The following CMSS1 variants were observed in gnomAD, a reference collection of about 807,000 sequenced individuals.
CMSS1 encodes the protein cms1 ribosomal small subunit homolog, also known as protein CMSS1.
In CMSS1, 33 loss-of-function variants were observed where a neutral mutation model predicts 43.5. The ratio of observed to expected loss-of-function variants is 0.76; its 90% CI spans 0.57 to 1.01. CMSS1 has a LOEUF of 1.01. Among genes scored for constraint, CMSS1 ranks in the 50% least tolerant of loss-of-function variants. The pLI is 0.00. For missense variants in CMSS1, 313 were observed against 326.4 expected (o/e 0.96, Z 0.32); for synonymous variants, 115 against 117.2 (o/e 0.98, Z 0.12).
At chr3:99,850,068 A>C in intron 1 of CMSS1, 1 of 1,612,514 alleles carries the variant, frequency 6.2e-7, no homozygotes, top group Non-Finnish European at 8.5e-7. Flanking sequence ...TTAACTTCTC[A>C]GTAACTGTTG....
At chr3:100,077,720 G>C (rs774394573) in intron 1 of CMSS1, among the ~76,000 whole-genome samples, 1 of 152,088 alleles carries the variant, frequency 6.6e-6, no homozygotes, top group African/African-American at 2.4e-5. Flanking sequence ...GACCAGCCTG[G>C]GCAACATGGC....
chr3:100,087,444 G>A (rs1196015995), intron 1 of CMSS1, among the ~76,000 whole-genome samples: 1 of 152,110 alleles, frequency 6.6e-6, no homozygotes, highest in African/African-American at 2.4e-5. Flanking sequence ...TCTAATAGTG[G>A]TATCTCCTTG....
intron 1 of CMSS1, among the ~76,000 whole-genome samples, chr3:100,079,376 A>G (rs2065898302): frequency 6.6e-6 from 1 of 152,222 alleles, no homozygotes; most frequent in Admixed American, 6.5e-5. Context: ...TTTAATTTCC[A>G]TATAGTTGCT....
At chr3:100,024,767 G>A (rs555906688) in intron 1 of CMSS1, among the ~76,000 whole-genome samples, 37 of 152,168 alleles carry the variant, frequency 2.4e-4, no homozygotes, top group African/African-American at 6.7e-4. Context: ...GCTCAGTTAC[G>A]GAGGCTTCTG....
intron 1 of CMSS1, among the ~76,000 whole-genome samples, chr3:99,919,899 G>A (rs1050116443): frequency 2.0e-5 from 3 of 152,120 alleles, no homozygotes; most frequent in Admixed American, 6.5e-5. Flanking sequence ...TCCTCCAAAG[G>A]GCCCTAAGGC....
At position 100,014,464 on chromosome 3, in the gene CMSS1, T is replaced by C. The variant is rs533440178; in HGVS notation, c.65-132509T>C. On this transcript the variant is annotated intron_variant, in intron 1 of 9. Transcript: ENST00000421999. ...TTATAATTTACATTCCCACCAACAG[T>C]GTATAAGAGTTCCCTTTCTCCACAT... Among the ~76,000 whole-genome samples the C allele has an allele frequency of 2.0e-5, 3 of 152,254 alleles. No homozygotes were observed. The East Asian group carries it at 5.8e-4, about 29-fold the overall frequency.
At chr3:99,935,251 G>T (rs887604128) in intron 1 of CMSS1, among the ~76,000 whole-genome samples, 2 of 116,110 alleles carry the variant, frequency 1.7e-5, no homozygotes, top group African/African-American at 3.4e-5. Context: ...AGTGGTTTGG[G>T]ATTTTCAGGG....
intron 1 of CMSS1, among the ~76,000 whole-genome samples, chr3:100,010,778 A>ATTTTTT (rs11371196): frequency 1.7e-4 from 16 of 93,668 alleles, no homozygotes; most frequent in Non-Finnish European, 2.2e-4. Flanking sequence ...CCACGCCCGG[A>ATTTTTT]TTTTTTTTTT....
intron 1 of CMSS1, among the ~76,000 whole-genome samples, chr3:99,853,798 A>G (rs529209482): frequency 3.4e-4 from 52 of 152,310 alleles, no homozygotes; most frequent in African/African-American, 1.3e-3. Context: ...TGAGCGCACC[A>G]TAGGACAGTC....
intron 1 of CMSS1, chr3:99,930,769 C>G (rs1707452519): frequency 3.1e-6 from 5 of 1,613,024 alleles, no homozygotes; most frequent in Non-Finnish European, 4.2e-6. Context: ...CCCAGCTGAC[C>G]TGCAGTTCTC....
chr3:99,875,274 C>T (rs535275386), intron 1 of CMSS1, among the ~76,000 whole-genome samples: 5 of 152,254 alleles, frequency 3.3e-5, no homozygotes, highest in African/African-American at 1.2e-4. Context: ...GCAATAGCCT[C>T]TTCAGGATTT....
At chr3:100,021,315 C>A (rs1029427655) in intron 1 of CMSS1, among the ~76,000 whole-genome samples, 1 of 152,164 alleles carries the variant, frequency 6.6e-6, no homozygotes, top group Non-Finnish European at 1.5e-5. Flanking sequence ...AAGTGAGGCT[C>A]AGGTTTTTGT....
chr3:100,094,108 T>A (rs1204877436), intron 1 of CMSS1, among the ~76,000 whole-genome samples: 2 of 152,232 alleles, frequency 1.3e-5, no homozygotes, highest in Non-Finnish European at 2.9e-5. Context: ...TCACTATTTT[T>A]TTAATTTTAG....
At chr3:99,991,950 G>GTA (rs1233656508) in intron 1 of CMSS1, among the ~76,000 whole-genome samples, 1 of 144,580 alleles carries the variant, frequency 6.9e-6, no homozygotes, top group Non-Finnish European at 1.5e-5. Context: ...GTATATATGT[G>GTA]TATATATGTG....
At chr3:100,067,295 G>A (rs971362484) in intron 1 of CMSS1, among the ~76,000 whole-genome samples, 1 of 152,120 alleles carries the variant, frequency 6.6e-6, no homozygotes, top group Non-Finnish European at 1.5e-5. Flanking sequence ...GGCTTTCTTG[G>A]CATTTATACA....
chr3:100,040,869 T>G (rs2065193105), intron 1 of CMSS1: 1 of 152,216 alleles, frequency 6.6e-6, no homozygotes, highest in African/African-American at 2.4e-5. Flanking sequence ...AGATGTCCCT[T>G]GAGCCTGGAT....
intron 1 of CMSS1, among the ~76,000 whole-genome samples, chr3:99,836,558 G>A (rs1942905020): frequency 6.6e-6 from 1 of 152,218 alleles, no homozygotes; most frequent in South Asian, 2.1e-4. Flanking sequence ...CTCAACTGCC[G>A]CTCTTTTCTT....
intron 1 of CMSS1, among the ~76,000 whole-genome samples, chr3:99,955,634 C>G (rs114102918): frequency 3.0e-3 from 460 of 152,212 alleles, no homozygotes; most frequent in African/African-American, 0.011. Flanking sequence ...TCCTGGAGCT[C>G]CGTTAGTCTT....
intron 1 of CMSS1, among the ~76,000 whole-genome samples, chr3:100,138,314 A>G (rs563586271): frequency 2.0e-5 from 3 of 152,244 alleles, no homozygotes; most frequent in Non-Finnish European, 2.9e-5. Context: ...ACCAAAAGCA[A>G]CTGCAACAAA....
Sources: gnomAD v4.1 joint callset for allele counts (sites outside exome capture counted in the v4.1 genomes callset) on GRCh38, gnomAD v4.1.1 for gene constraint, MANE v1.5 for transcripts, NCBI Gene and HGNC (gene_info 2026-07-23, HGNC 2026-07-21) for gene names.